Variants in CACNA1I observed in about 807,000 individuals in gnomAD.
CACNA1I encodes calcium voltage-gated channel subunit alpha1 I.
CACNA1I carries 74 observed loss-of-function variants against 201.6 expected under a neutral mutation model. The ratio of observed to expected loss-of-function variants is 0.37; its 90% CI spans 0.30 to 0.45. The LOEUF (loss-of-function observed/expected upper bound fraction) is 0.45, where lower values mean the gene tolerates loss of function less well. Ranked by LOEUF, CACNA1I falls within the 20% of genes least tolerant of loss-of-function variation. The pLI, the probability that CACNA1I is intolerant of heterozygous loss-of-function variation, is 1.00. For synonymous variants in CACNA1I, 1,431 were observed against 1,345.2 expected (o/e 1.06, Z -1.40); for missense variants, 2,346 against 3,138.1 (o/e 0.75, Z 6.03).
chr22:39,589,140 C>T (rs976035695), intron 1 of CACNA1I, among the ~76,000 whole-genome samples: 4 of 152,168 alleles, frequency 2.6e-5, no homozygotes, highest in East Asian at 1.9e-4. Context: ...TCTCCAGACA[C>T]GGCCAAATGT....
At chr22:39,645,679 C>G (rs1428575786) in intron 7 of CACNA1I, among the ~76,000 whole-genome samples, 1 of 152,202 alleles carries the variant, frequency 6.6e-6, no homozygotes, top group Non-Finnish European at 1.5e-5. Context: ...GCGGGCACCT[C>G]CAAGGGGGAT....
At position 39,641,196 on chromosome 22, in the gene CACNA1I, G is replaced by C. The variant is rs757185984; in HGVS notation, c.1056+14G>C. On this transcript the variant is annotated intron_variant, in intron 6 of 36. Transcript: ENST00000402142. ...GTCATCTTCCAGGTGAGGCCATTCAGGCCTGGGGCCAGCCTGGTCCTAGAG... is the reference window on the plus strand; with the variant it reads ...GTCATCTTCCAGGTGAGGCCATTCACGCCTGGGGCCAGCCTGGTCCTAGAG... 6.8e-6 allele frequency: 11 copies of C among 1,606,662 alleles called. No homozygotes were observed. Among genetic ancestry groups the C allele is most frequent in the Middle Eastern group, 3.3e-4 (2 of 6,056 alleles).
In CACNA1I at chr22:39,591,181, C is replaced by T. The variant is rs955788573; in HGVS notation, c.237-6970C>T. 6.9e-4 allele frequency among the ~76,000 whole-genome samples: 87 copies of T among 125,208 alleles called. 1 individual carries two copies. Among genetic ancestry groups the T allele is most frequent in the Middle Eastern group, 6.8e-3 (1 of 148 alleles). The allele number at this position is 125,208 out of a possible 152,430, so 82.1% of individuals were successfully genotyped here. On this transcript the variant is annotated intron_variant, in intron 1 of 36. Coordinates refer to ENST00000402142, the MANE Select transcript of CACNA1I (RefSeq NM_021096.4). ...TTCTTTTTTTTTTTTTTTTCTGAGA[C>T]GGAGTTTCACTCTCGTTGCCCAGGC... is the stretch of plus-strand genomic sequence containing the variant.
At chr22:39,680,878 G>A (rs1935682527) in intron 33 of CACNA1I, 52 bp from the exon 34 acceptor site, 1 of 1,575,106 alleles carries the variant, frequency 6.3e-7, no homozygotes, top group Non-Finnish European at 8.6e-7. Context: ...CCAGGACCCA[G>A]GTCTGCCCAT....
At chr22:39,583,272 T>C (rs1932639416) in intron 1 of CACNA1I, among the ~76,000 whole-genome samples, 2 of 138,366 alleles carry the variant, frequency 1.4e-5, no homozygotes, top group Non-Finnish European at 3.1e-5. Flanking sequence ...GTCCATCCAT[T>C]CACCCTTCCA....
intron 1 of CACNA1I, among the ~76,000 whole-genome samples, chr22:39,593,730 C>G (rs1368063159): frequency 2.0e-5 from 3 of 152,140 alleles, no homozygotes; most frequent in Non-Finnish European, 2.9e-5. Flanking sequence ...GGCAAAACAG[C>G]TTGGAGGCAG....
At chr22:39,588,962 A>C (rs1220585650) in intron 1 of CACNA1I, among the ~76,000 whole-genome samples, 2 of 152,204 alleles carry the variant, frequency 1.3e-5, no homozygotes, top group Non-Finnish European at 2.9e-5. Context: ...TTCATGGCTA[A>C]GTAGTACTCC....
At chr22:39,589,830 A>G (rs1932801219) in intron 1 of CACNA1I, among the ~76,000 whole-genome samples, 1 of 152,216 alleles carries the variant, frequency 6.6e-6, no homozygotes, top group Admixed American at 6.5e-5. Context: ...TCCCCGATCC[A>G]GGAGGATGGA....
intron 28 of CACNA1I, 90 bp downstream of exon 28, chr22:39,673,172 T>TGGGGG: frequency 1.3e-5 from 2 of 154,552 alleles, no homozygotes; most frequent in Non-Finnish European, 2.6e-5. Context: ...AGGAGTGGGG[T>TGGGGG]GGGGAGGGGT....
Position 39,679,213 on chromosome 22 carries a change from T to C in CACNA1I, c.5162T>C (p.Leu1721Pro). 1 of 1,593,418 alleles carries C rather than the reference T, an allele frequency of 6.3e-7. No individual in the cohort carries two copies. Among genetic ancestry groups the C allele is most frequent in the East Asian group, 2.3e-5 (1 of 43,902 alleles). Residue 1721 changes from leucine (L) to proline (P), a missense_variant, in exon 32 of 37, where the codon CTC becomes CCC. Transcript: ENST00000402142. ...VSFVLTAQFV[L>P]INVVVAVLMK... ...TTCGTGCTCACCGCGCAGTTCGTGC[T>C]CATCAACGTGGTGGTGGCTGTGCTC...
In CACNA1I at chr22:39,662,062, C is replaced by G. The variant is rs1344269733; in HGVS notation, c.2999C>G (p.Ser1000Trp). Residue 1000 changes from serine (S) to tryptophan (W), a missense_variant, in exon 17 of 37, where the codon TCG becomes TGG. Ser to Trp is a radical substitution (Grantham distance 177). Transcript: ENST00000402142. ...AACAGCCTCAAGCACAAGCCGCCGT[C>G]GGCGGAGCATGAGTCCCTGCTCTCT... The part of the protein sequence containing the change: ...SWNSLKHKPP[S>W]AEHESLLSAE... 6.4e-7 allele frequency: 1 copy of G among 1,553,244 alleles called. No individual in the cohort carries two copies. Among genetic ancestry groups the G allele is most frequent in the South Asian group, 1.2e-5 (1 of 84,810 alleles).
chr22:39,683,860 A>C (rs952580482), intron 35 of CACNA1I, among the ~76,000 whole-genome samples: 7 of 152,156 alleles, frequency 4.6e-5, no homozygotes, highest in African/African-American at 1.7e-4. Flanking sequence ...GTCCCACAGT[A>C]GCCCCCAGGC....
intron 1 of CACNA1I, among the ~76,000 whole-genome samples, chr22:39,585,178 G>A (rs1932701345): frequency 6.6e-6 from 1 of 152,066 alleles, no homozygotes; most frequent in Non-Finnish European, 1.5e-5. Flanking sequence ...TCCTGCCTCA[G>A]CCTCACAAGT....
intron 1 of CACNA1I, among the ~76,000 whole-genome samples, chr22:39,578,349 A>AAGTCC (rs1192986827): frequency 6.6e-6 from 1 of 152,030 alleles, no homozygotes; most frequent in Non-Finnish European, 1.5e-5. Flanking sequence ...AACTATTAGG[A>AAGTCC]AGTCCTCCCT....
Position 39,666,344 on chromosome 22 carries a change from C to G in CACNA1I, c.4104+338C>G, listed in dbSNP as rs532971453. On this transcript the variant is annotated intron_variant, in intron 23 of 36. Coordinates refer to ENST00000402142, the MANE Select transcript of CACNA1I (RefSeq NM_021096.4). This position sits in a 1 kb window ranked among gnomAD's most constrained non-coding sequence, Gnocchi z 4.1. ...GAGGTGAATCCAGCTCTGCCACCTT[C>G]TGTAGGTGTGGCCTCCCTGAGCCTC... Among the ~76,000 whole-genome samples, 1 of 152,212 alleles carries G rather than the reference C, an allele frequency of 6.6e-6. No individual in the cohort carries two copies. The highest frequency in any genetic ancestry group is 2.1e-4 in the South Asian group (1 of 4,816).
rs1934570780 is a variant in CACNA1I, at chr22:39,648,999, G to T, written c.1568-502G>T. On this transcript the variant is annotated intron_variant, in intron 9 of 36. Coordinates refer to ENST00000402142, the MANE Select transcript of CACNA1I (RefSeq NM_021096.4). This position sits in a 1 kb window ranked among gnomAD's most constrained non-coding sequence, Gnocchi z 5.4. ...GGCTCCATGCCTCCTCCCCTCCCTG[G>T]GAAGCAAACCTCACCCCTTCCCCGC... Among the ~76,000 whole-genome samples the T allele has an allele frequency of 6.6e-6, 1 of 152,118 alleles. No individual in the cohort carries two copies. Among genetic ancestry groups the T allele is most frequent in the Non-Finnish European group, 1.5e-5 (1 of 68,014 alleles).
At chr22:39,669,950 C>T in intron 24 of CACNA1I, 88 bp from the exon 25 acceptor site, 1 of 1,480,490 alleles carries the variant, frequency 6.8e-7, no homozygotes, top group Non-Finnish European at 9.4e-7. Context: ...CACATGCCCA[C>T]TCCATGGAGG....
At chr22:39,580,553 A>G (rs557402690) in intron 1 of CACNA1I, among the ~76,000 whole-genome samples, 15 of 152,276 alleles carry the variant, frequency 9.9e-5, no homozygotes, top group African/African-American at 3.4e-4. Flanking sequence ...TTGCTGTATA[A>G]ATAGGAATTT....
intron 2 of CACNA1I, among the ~76,000 whole-genome samples, chr22:39,598,582 C>A (rs979804611): frequency 6.6e-6 from 1 of 151,990 alleles, no homozygotes; most frequent in Non-Finnish European, 1.5e-5. Context: ...CTTCTCCTAC[C>A]CGGGTGCCCC....
Sources: gnomAD v4.1 joint callset for allele counts (sites outside exome capture counted in the v4.1 genomes callset) on GRCh38, gnomAD v4.1.1 for gene constraint, Gnocchi (gnomAD v3.1) non-coding constraint, MANE v1.5 for transcripts, NCBI Gene and HGNC (gene_info 2026-07-23, HGNC 2026-07-21) for gene names.